The following CCDC62 variants were observed in gnomAD, a reference collection of about 807,000 sequenced individuals.
The protein encoded by CCDC62 is coiled-coil domain-containing protein 62.
Under a neutral mutation model 80.8 loss-of-function variants are expected in CCDC62, and 72 were observed. The ratio of observed to expected loss-of-function variants is 0.89; its 90% confidence interval spans 0.74 to 1.08. CCDC62 has a LOEUF of 1.08. Ranked by LOEUF, CCDC62 falls within the 50% of genes least tolerant of loss-of-function variation. CCDC62 has a pLI of 0.00. For synonymous variants in CCDC62, 286 were observed against 296.5 expected (o/e 0.96, Z 0.36); for missense variants, 704 against 809.4 (o/e 0.87, Z 1.58).
At chr12:122,797,583 C>T (rs919099881) in intron 7 of CCDC62, among the ~76,000 whole-genome samples, 188 bp downstream of exon 7, 3 of 152,206 alleles carry the variant, frequency 2.0e-5, no homozygotes, top group South Asian at 2.1e-4. Context: ...CACTGTCAAC[C>T]GGGCTGGGGT....
At chr12:122,796,628 C>T (rs12318871) in intron 6 of CCDC62, among the ~76,000 whole-genome samples, 6,812 of 151,894 alleles carry the variant, frequency 0.045, 289 homozygotes, top group East Asian at 0.24. Flanking sequence ...GAGGCTGAGG[C>T]GGGTAGATCA....
chr12:122,806,771 C>T (rs1047073400), intron 10 of CCDC62, among the ~76,000 whole-genome samples: 3 of 149,314 alleles, frequency 2.0e-5, no homozygotes, highest in South Asian at 2.1e-4. Context: ...TGTGAATCAC[C>T]GTGCTGGGAC....
At chr12:122,797,973 A>C in intron 7 of CCDC62, 112 bp from the exon 8 acceptor site, 1 of 626,532 alleles carries the variant, frequency 1.6e-6, no homozygotes, top group Non-Finnish European at 2.9e-6. Context: ...TTCTCTAGTA[A>C]CTATCTGACC....
rs1231766488 is a variant in CCDC62, at chr12:122,788,862, T to C, written c.603T>C (p.Ile201=). 1 of 1,611,210 alleles carries C rather than the reference T, an allele frequency of 6.2e-7. No homozygotes were observed. Among genetic ancestry groups the C allele is most frequent in the African/African-American group, 1.3e-5 (1 of 74,822 alleles). ...LRDAKMAETC[I]VKEKQDYKQK... is the part of the protein sequence containing the mutation. The stretch of plus-strand genomic sequence containing the variant: ...ATGCCAAGATGGCGGAGACTTGTAT[T>C]GTGAAAGAAAAGCAAGATTATAAGC... The change falls in exon 5 of 13, where the codon ATT becomes ATC. Residue 201 remains isoleucine, a synonymous_variant. Coordinates refer to ENST00000253079, the MANE Select transcript of CCDC62 (RefSeq NM_201435.5).
intron 5 of CCDC62, among the ~76,000 whole-genome samples, chr12:122,791,688 G>C (rs1347564714): frequency 6.6e-6 from 1 of 152,082 alleles, no homozygotes; most frequent in Non-Finnish European, 1.5e-5. Flanking sequence ...GCCTCAAGTG[G>C]TTTGTCCGCC....
intron 10 of CCDC62, 66 bp downstream of exon 10, chr12:122,806,361 C>A: frequency 7.7e-7 from 1 of 1,303,904 alleles, no homozygotes; most frequent in Non-Finnish European, 1.0e-6. Flanking sequence ...TTTAATGCTT[C>A]TCTAGCAACC....
At chr12:122,798,434 C>T (rs1466338963) in intron 8 of CCDC62, among the ~76,000 whole-genome samples, 2 of 151,984 alleles carry the variant, frequency 1.3e-5, no homozygotes, top group Admixed American at 1.3e-4. Context: ...GAAACCCCAT[C>T]TCTACTAAAA....
chr12:122,804,373 G>C (rs1331450854), intron 9 of CCDC62, among the ~76,000 whole-genome samples: 2 of 152,196 alleles, frequency 1.3e-5, no homozygotes, highest in African/African-American at 4.8e-5. Context: ...TGTAGTCCCA[G>C]CTACTCGGGA....
intron 12 of CCDC62, among the ~76,000 whole-genome samples, chr12:122,823,985 C>CA (rs970442818): frequency 2.2e-4 from 31 of 141,180 alleles, no homozygotes; most frequent in South Asian, 2.2e-4. Flanking sequence ...GACTCCGTCT[C>CA]AAAAAAAAAA....
intron 6 of CCDC62, among the ~76,000 whole-genome samples, chr12:122,792,468 C>T (rs780038498): frequency 3.3e-5 from 5 of 151,754 alleles, no homozygotes; most frequent in African/African-American, 9.7e-5. Context: ...AAGTGATCTA[C>T]GGGCCTTGGC....
intron 6 of CCDC62, among the ~76,000 whole-genome samples, chr12:122,794,581 T>G (rs1010897669): frequency 7.2e-5 from 11 of 152,352 alleles, no homozygotes; most frequent in Admixed American, 5.9e-4. Flanking sequence ...TTGTATGTTT[T>G]ATTCTTCTTT....
chr12:122,811,893 A>G (rs1255547885), intron 10 of CCDC62, among the ~76,000 whole-genome samples: 1 of 150,754 alleles, frequency 6.6e-6, no homozygotes, highest in Non-Finnish European at 1.5e-5. Context: ...GCAGTGACTA[A>G]TTTTCATGCC....
rs769845760 is a variant in CCDC62 at position 122,798,972 on chromosome 12, C to T, written c.977+772C>T. ...GCAGGCGCCTGTAGTCCCAGCTATT[C>T]GGCAGGCTGAGGCAGGAGGATTGCT... On this transcript the variant is annotated intron_variant, in intron 8 of 12. Coordinates refer to ENST00000253079, the MANE Select transcript of CCDC62 (RefSeq NM_201435.5). Among the ~76,000 whole-genome samples, 6 of 147,380 alleles carry T rather than the reference C, an allele frequency of 4.1e-5. No homozygotes were observed. In the South Asian group the frequency reaches 6.5e-4, roughly 16 times the overall value.
intron 9 of CCDC62, among the ~76,000 whole-genome samples, chr12:122,803,436 G>A (rs1387732621): frequency 6.6e-6 from 1 of 151,964 alleles, no homozygotes; most frequent in Non-Finnish European, 1.5e-5. Flanking sequence ...TGTGAGTGTC[G>A]TCATAATAAT....
intron 10 of CCDC62, among the ~76,000 whole-genome samples, chr12:122,808,959 A>T (rs892470130): frequency 6.6e-6 from 1 of 152,222 alleles, no homozygotes; most frequent in African/African-American, 2.4e-5. Flanking sequence ...TCTAATAGGT[A>T]TGAAGAGGTA....
At chr12:122,793,926 A>G (rs557772916) in intron 6 of CCDC62, among the ~76,000 whole-genome samples, 2 of 152,318 alleles carry the variant, frequency 1.3e-5, no homozygotes, top group East Asian at 3.9e-4. Flanking sequence ...ACATATTTGT[A>G]GCTTTACAGT....
In CCDC62 at chr12:122,813,276, A is replaced by G. The variant is rs1198034185; in HGVS notation, c.1858A>G (p.Ile620Val). 4.4e-6 allele frequency: 7 copies of G among 1,608,302 alleles called. No individual in the cohort carries two copies. Among genetic ancestry groups the G allele is most frequent in the East Asian group, 4.5e-5 (2 of 44,726 alleles). The change falls in exon 11 of 13, where the codon ATT becomes GTT. Residue 620 changes from isoleucine (I) to valine (V), a missense_variant. Ile to Val is a conservative substitution (Grantham distance 29). Transcript: ENST00000253079. ...GCCTCTTAATTTCCTGTAGGCTTCA[A>G]TTGTGTTACCCTCCCAGGATGATTT... is the stretch of plus-strand genomic sequence containing the variant. Reference protein sequence around the residue: ...DAPAFNEKASIVLPSQDDFSP... With the variant: ...DAPAFNEKASVVLPSQDDFSP...
At chr12:122,790,167 C>T (rs1230662836) in intron 5 of CCDC62, among the ~76,000 whole-genome samples, 1 of 152,108 alleles carries the variant, frequency 6.6e-6, no homozygotes, top group Admixed American at 6.6e-5. Flanking sequence ...TCTCCTGCCT[C>T]AGCCTCCTGA....
At chr12:122,804,940 A>G (rs759914763) in intron 9 of CCDC62, among the ~76,000 whole-genome samples, 8 of 149,372 alleles carry the variant, frequency 5.4e-5, no homozygotes, top group Admixed American at 2.7e-4. Flanking sequence ...CCTGGAGTGC[A>G]ATGGCACGAT....
Sources: gnomAD v4.1 joint callset for allele counts (sites outside exome capture counted in the v4.1 genomes callset) on GRCh38, gnomAD v4.1.1 for gene constraint, MANE v1.5 for transcripts, NCBI Gene and HGNC (gene_info 2026-07-23, HGNC 2026-07-21) for gene names.